SYT1: variants seen among roughly 807,000 people sequenced by gnomAD.
SYT1 encodes synaptotagmin 1, also known as synaptotagmin-1.
SYT1 carries 8 observed loss-of-function variants against 44.8 expected under a neutral mutation model. The observed-to-expected ratio is 0.18, with a 90% CI of 0.10 to 0.32. The LOEUF (loss-of-function observed/expected upper bound fraction) is 0.32. Ranked by LOEUF, SYT1 falls within the 10% of genes least tolerant of loss-of-function variation. The pLI is 1.00. For missense variants in SYT1, 286 were observed against 509.3 expected, an observed-to-expected ratio of 0.56 and a Z score of 4.22; for synonymous variants, 154 against 188.8, an observed-to-expected ratio of 0.82 and a Z score of 1.51.
intron 1 of SYT1, among the ~76,000 whole-genome samples, chr12:78,901,321 A>G (rs548846896): frequency 3.9e-5 from 6 of 152,202 alleles, no homozygotes; most frequent in Non-Finnish European, 8.8e-5. Flanking sequence ...AATGATGAAG[A>G]TTAGTGTTGG....
chr12:79,330,154 C>G (rs886471341), intron 8 of SYT1, among the ~76,000 whole-genome samples: 3 of 152,124 alleles, frequency 2.0e-5, no homozygotes, highest in East Asian at 1.9e-4. Flanking sequence ...TCTGAGAAAC[C>G]CTTTCACCTC....
chr12:79,053,346 G>A (rs193048794), intron 3 of SYT1, among the ~76,000 whole-genome samples: 3 of 151,932 alleles, frequency 2.0e-5, no homozygotes, highest in African/African-American at 4.8e-5. Context: ...ATCACACACC[G>A]AGGACTGTTG....
intron 3 of SYT1, among the ~76,000 whole-genome samples, chr12:79,098,600 G>T (rs1220021832): frequency 1.3e-5 from 2 of 152,084 alleles, no homozygotes; most frequent in African/African-American, 2.4e-5. Flanking sequence ...ACAGTGTCCA[G>T]TTATTCACTA....
At chr12:79,448,539 G>C (rs1000703633) in intron 10 of SYT1, among the ~76,000 whole-genome samples, 5 of 152,162 alleles carry the variant, frequency 3.3e-5, no homozygotes, top group African/African-American at 9.7e-5. Flanking sequence ...AATGAATTTA[G>C]AGGTTAGCAC....
chr12:79,023,385 A>T (rs1334307097), intron 2 of SYT1, among the ~76,000 whole-genome samples: 1 of 151,828 alleles, frequency 6.6e-6, no homozygotes, highest in African/African-American at 2.4e-5. Flanking sequence ...GGAGATCCTC[A>T]TCTGTAACAC....
At chr12:79,184,875 T>C (rs1214042971) in intron 3 of SYT1, among the ~76,000 whole-genome samples, 1 of 152,086 alleles carries the variant, frequency 6.6e-6, no homozygotes, top group African/African-American at 2.4e-5. Context: ...GGGAAACTGT[T>C]GATATTTAGA....
intron 8 of SYT1, among the ~76,000 whole-genome samples, chr12:79,301,246 A>G (rs183865292): frequency 1.2e-3 from 179 of 152,246 alleles, no homozygotes; most frequent in Admixed American, 1.8e-3. Flanking sequence ...TGCAGGGTGC[A>G]TGGTTCACAC....
chr12:79,116,920 T>C (rs936449797), intron 3 of SYT1, among the ~76,000 whole-genome samples: 1 of 152,174 alleles, frequency 6.6e-6, no homozygotes, highest in Non-Finnish European at 1.5e-5. Flanking sequence ...TAAGATTCTA[T>C]CTGGGCTCCT....
At chr12:78,908,146 TA>T (rs1163533222) in intron 1 of SYT1, among the ~76,000 whole-genome samples, 1 of 151,906 alleles carries the variant, frequency 6.6e-6, no homozygotes, top group Admixed American at 6.6e-5. Flanking sequence ...TCAAGGAAAA[TA>T]ATCTGTCAAG....
intron 8 of SYT1, among the ~76,000 whole-genome samples, chr12:79,313,945 G>A (rs1336907384): frequency 6.7e-6 from 1 of 148,692 alleles, no homozygotes; most frequent in Non-Finnish European, 1.5e-5. Context: ...CGAGGCGGGC[G>A]GATCACGAGG....
At chr12:79,340,547 T>G (rs1171961844) in intron 8 of SYT1, among the ~76,000 whole-genome samples, 24 of 152,228 alleles carry the variant, frequency 1.6e-4, no homozygotes. Flanking sequence ...AAGTTGCTTA[T>G]CAGCTTAAGG....
At chr12:79,354,756 A>G (rs1430947367) in intron 9 of SYT1, among the ~76,000 whole-genome samples, 1 of 152,216 alleles carries the variant, frequency 6.6e-6, no homozygotes, top group East Asian at 1.9e-4. Context: ...AGAGTATTTA[A>G]TGTGACTATA....
intron 1 of SYT1, among the ~76,000 whole-genome samples, chr12:78,875,372 A>G (rs1431301643): frequency 6.6e-6 from 1 of 151,572 alleles, no homozygotes; most frequent in Non-Finnish European, 1.5e-5. Flanking sequence ...CAACAACAAA[A>G]CATTGCTATG....
chr12:79,207,600 G>A (rs992141307), intron 3 of SYT1, among the ~76,000 whole-genome samples: 1 of 152,000 alleles, frequency 6.6e-6, no homozygotes, highest in Non-Finnish European at 1.5e-5. Flanking sequence ...CCACTTATGA[G>A]TGAGAACATG....
chr12:78,876,421 A>G (rs1423763985), intron 1 of SYT1, among the ~76,000 whole-genome samples: 4 of 146,324 alleles, frequency 2.7e-5, no homozygotes, highest in Admixed American at 6.9e-5. Flanking sequence ...TGCTCTCTAT[A>G]GACATTATAT....
chr12:79,233,409 T>C (rs1875986905), intron 4 of SYT1, among the ~76,000 whole-genome samples: 1 of 152,248 alleles, frequency 6.6e-6, no homozygotes, highest in Non-Finnish European at 1.5e-5. Flanking sequence ...TGGGTACTTG[T>C]GTGAGGTTTG....
intron 6 of SYT1, 97 bp downstream of exon 6, chr12:79,292,227 G>C (rs1316706713): frequency 2.8e-6 from 4 of 1,409,220 alleles, no homozygotes; most frequent in Admixed American, 2.4e-5. Flanking sequence ...TTTGTTTGCT[G>C]TGAGGGGAAA....
At chr12:79,317,927 T>C (rs1881175706) in intron 8 of SYT1, among the ~76,000 whole-genome samples, 1 of 152,078 alleles carries the variant, frequency 6.6e-6, no homozygotes, top group Non-Finnish European at 1.5e-5. Context: ...GACATTTTGG[T>C]GTGTTAATGT....
intron 9 of SYT1, among the ~76,000 whole-genome samples, chr12:79,414,302 C>T (rs920594815): frequency 6.6e-6 from 1 of 151,970 alleles, no homozygotes; most frequent in East Asian, 1.9e-4. Flanking sequence ...TTGGTGAAGC[C>T]GGAGTATGGG....
Sources: allele counts gnomAD v4.1 joint callset (sites outside exome capture counted in the v4.1 genomes callset), GRCh38; gene constraint gnomAD v4.1.1; transcripts MANE v1.5; gene names NCBI Gene and HGNC (gene_info 2026-07-23, HGNC 2026-07-21).